The following MYO10 variants were observed in gnomAD, a reference collection of about 807,000 sequenced individuals.
MYO10 encodes unconventional myosin-X.
A neutral mutation model predicts 257.3 loss-of-function variants in MYO10; 133 were observed. The ratio of observed to expected loss-of-function variants is 0.52; its 90% CI spans 0.45 to 0.60. The LOEUF (loss-of-function observed/expected upper bound fraction) is 0.60. Among genes scored for constraint, MYO10 ranks in the 20% least tolerant of loss-of-function variants. The pLI is 0.00. For missense variants in MYO10, 2,399 were observed against 2,635.7 expected (o/e 0.91, Z 1.97); for synonymous variants, 1,104 against 1,028.6 (o/e 1.07, Z -1.40).
At chr5:16,842,335 C>A (rs1042895093) in intron 2 of MYO10, among the ~76,000 whole-genome samples, 1 of 152,002 alleles carries the variant, frequency 6.6e-6, no homozygotes, top group Non-Finnish European at 1.5e-5. Flanking sequence ...GTACTGAGAG[C>A]CAGTCAAGTG....
chr5:16,774,283 C>A (rs1741147977), intron 9 of MYO10, among the ~76,000 whole-genome samples: 1 of 152,048 alleles, frequency 6.6e-6, no homozygotes, highest in Admixed American at 6.6e-5. Flanking sequence ...GGAGTGTCAC[C>A]CTCAGAGAAG....
intron 19 of MYO10, among the ~76,000 whole-genome samples, chr5:16,722,326 G>C (rs889361701): frequency 2.6e-5 from 4 of 152,218 alleles, no homozygotes; most frequent in Non-Finnish European, 5.9e-5. Flanking sequence ...TGAATTCTAT[G>C]AATGTCTGAG....
intron 3 of MYO10, among the ~76,000 whole-genome samples, chr5:16,812,610 G>C (rs1742474754): frequency 6.6e-6 from 1 of 152,140 alleles, no homozygotes; most frequent in African/African-American, 2.4e-5. Context: ...TTTGAGGCTA[G>C]GGATGATGCT....
intron 3 of MYO10, among the ~76,000 whole-genome samples, chr5:16,805,490 A>G (rs982252680): frequency 2.6e-5 from 4 of 151,828 alleles, no homozygotes; most frequent in African/African-American, 4.8e-5. Context: ...AGAAAAGAAA[A>G]AAAAGAAATC....
At chr5:16,761,618 A>C in intron 16 of MYO10, 72 bp from the exon 17 acceptor site, 1 of 1,055,896 alleles carries the variant, frequency 9.5e-7, no homozygotes, top group East Asian at 2.4e-5. Context: ...ACTTCCCTGA[A>C]AGAGCCACAA....
chr5:16,683,235 T>A (rs1737089099), intron 30 of MYO10, among the ~76,000 whole-genome samples: 1 of 152,184 alleles, frequency 6.6e-6, no homozygotes, highest in Admixed American at 6.5e-5. Flanking sequence ...ACAATTTTGA[T>A]TCTTTCTCTG....
rs563470672 is a variant in MYO10, at chr5:16,676,012, G to C, written c.4666+19C>G. 2.8e-4 allele frequency: 448 copies of C among 1,599,570 alleles called. 3 individuals carry two copies. In the South Asian group the frequency reaches 3.3e-3, roughly 12 times the overall value. On this transcript the variant is annotated intron_variant, in intron 34 of 40. Transcript: ENST00000513610. ...GGAATCATGGTCTCTGAGGAGTCGG[G>C]GTGGAGCTCTGGACTTACAGTTGAG...
intron 2 of MYO10, among the ~76,000 whole-genome samples, chr5:16,855,808 C>T (rs555078106): frequency 1.3e-5 from 2 of 152,230 alleles, no homozygotes; most frequent in Non-Finnish European, 2.9e-5. Flanking sequence ...GCACTGTGAA[C>T]TCTGACGTGG....
chr5:16,829,370 G>A (rs1743098707), intron 2 of MYO10, among the ~76,000 whole-genome samples: 1 of 152,066 alleles, frequency 6.6e-6, no homozygotes, highest in Non-Finnish European at 1.5e-5. Flanking sequence ...AGACTTTCTA[G>A]AGACAAGAGA....
At chr5:16,903,502 G>A (rs1277657042) in intron 1 of MYO10, among the ~76,000 whole-genome samples, 2 of 152,190 alleles carry the variant, frequency 1.3e-5, no homozygotes. Flanking sequence ...AGAGCTAACA[G>A]GTGGTAAACG....
chr5:16,739,901 C>T (rs182050740), intron 19 of MYO10, among the ~76,000 whole-genome samples: 1 of 152,168 alleles, frequency 6.6e-6, no homozygotes, highest in Non-Finnish European at 1.5e-5. Context: ...GAGGGGTGAA[C>T]GCAAACCCCA....
intron 19 of MYO10, among the ~76,000 whole-genome samples, chr5:16,716,219 CT>C (rs1177578741): frequency 6.6e-6 from 1 of 151,952 alleles, no homozygotes; most frequent in Non-Finnish European, 1.5e-5. Flanking sequence ...AGTAGAAATA[CT>C]TATTTCCACA....
Position 16,877,609 on chromosome 5 carries a change from C to T in MYO10, c.120G>A (p.Gln40=). 6.2e-7 allele frequency: 1 copy of T among 1,611,170 alleles called. No individual in the cohort carries two copies. Among genetic ancestry groups the T allele is most frequent in the Non-Finnish European group, 8.5e-7 (1 of 1,177,576 alleles). ...GIVVFRTDYG[Q]VFTYKQSTIT... Reference sequence around the variant, plus strand: ...GGAAGCTGCAGGGACTTGTTCTCACCTGACCATAGTCTGTCCGGAAGACGA... The same window carrying T: ...GGAAGCTGCAGGGACTTGTTCTCACTTGACCATAGTCTGTCCGGAAGACGA... Residue 40 remains glutamine, a splice_region_variant and synonymous_variant, in exon 2 of 41, where the codon CAG becomes CAA. Coordinates refer to ENST00000513610, the MANE Select transcript of MYO10 (RefSeq NM_012334.3).
At chr5:16,840,699 A>G (rs1743452336) in intron 2 of MYO10, among the ~76,000 whole-genome samples, 1 of 152,018 alleles carries the variant, frequency 6.6e-6, no homozygotes, top group African/African-American at 2.4e-5. Flanking sequence ...AAAATGCAAT[A>G]TGCATTTTTG....
intron 2 of MYO10, among the ~76,000 whole-genome samples, chr5:16,873,530 C>T (rs1303383979): frequency 2.0e-5 from 3 of 152,248 alleles, no homozygotes; most frequent in Non-Finnish European, 2.9e-5. Flanking sequence ...GGCGGTACCC[C>T]AGTAGCGACT....
chr5:16,766,862 C>T (rs1190853639), intron 10 of MYO10, among the ~76,000 whole-genome samples: 1 of 150,234 alleles, frequency 6.7e-6, no homozygotes, highest in African/African-American at 2.5e-5. Flanking sequence ...CTCCGCCTCC[C>T]TGGTTCAGAT....
At chr5:16,931,448 G>A (rs1278019056) in intron 1 of MYO10, among the ~76,000 whole-genome samples, 4 of 152,108 alleles carry the variant, frequency 2.6e-5, no homozygotes, top group Non-Finnish European at 5.9e-5. Flanking sequence ...AAACAGTGAG[G>A]GACCTGCCCA....
At position 16,701,390 on chromosome 5, in the gene MYO10, T is replaced by G. The variant is rs1738059890; in HGVS notation, c.3005A>C (p.Asp1002Ala). 2.5e-6 allele frequency: 4 copies of G among 1,613,872 alleles called. No individual in the cohort carries two copies. The highest frequency in any genetic ancestry group is 3.4e-6 in the Non-Finnish European group (4 of 1,179,846). ...EVDEGFEADD[D>A]AFKDSPNPSE... ...GGGGTTGGGGGAGTCCTTGAAGGCG[T>G]CGTCGTCGGCTTCGAAGCCCTCATC... The change falls in exon 25 of 41, where the codon GAC becomes GCC. Residue 1002 changes from aspartate (D) to alanine (A), a missense_variant. Asp to Ala is a moderately radical substitution (Grantham distance 126). Around this residue, in one of 3 missense-constraint regions of MYO10, gnomAD observed 1,820 missense variants for 1,939.4 expected, o/e 0.94. Transcript: ENST00000513610. This position sits in a 1 kb window ranked among gnomAD's most constrained non-coding sequence, Gnocchi z 8.1.
intron 28 of MYO10, among the ~76,000 whole-genome samples, chr5:16,687,342 C>T (rs754421546): frequency 4.0e-5 from 6 of 150,988 alleles, no homozygotes; most frequent in Non-Finnish European, 5.9e-5. Flanking sequence ...AAATACAAAA[C>T]GAAACAAAAC....
Sources: gnomAD v4.1 joint callset for allele counts (sites outside exome capture counted in the v4.1 genomes callset) on GRCh38, gnomAD v4.1.1 for gene constraint, gnomAD v4.1.1 regional missense constraint, Gnocchi (gnomAD v3.1) non-coding constraint, MANE v1.5 for transcripts, NCBI Gene and HGNC (gene_info 2026-07-23, HGNC 2026-07-21) for gene names.